Variants in VAV3 observed in about 807,000 individuals in gnomAD.
VAV3 encodes the protein guanine nucleotide exchange factor VAV3.
A neutral mutation model predicts 131.2 loss-of-function variants in VAV3; 94 were observed. The observed-to-expected ratio is 0.72, with a 90% CI of 0.61 to 0.85. The LOEUF (loss-of-function observed/expected upper bound fraction) is 0.85, where lower values mean the gene tolerates loss of function less well. Ranked by LOEUF, VAV3 falls within the 40% of genes least tolerant of loss-of-function variation. The pLI is 0.00. For synonymous variants in VAV3, 349 were observed against 342.0 expected, an observed-to-expected ratio of 1.02 and a Z score of -0.22; for missense variants, 939 against 1,002.7, an observed-to-expected ratio of 0.94 and a Z score of 0.86.
At chr1:107,854,063 C>T (rs562462178) in intron 2 of VAV3, among the ~76,000 whole-genome samples, 21 of 152,248 alleles carry the variant, frequency 1.4e-4, no homozygotes, top group South Asian at 8.3e-4. Flanking sequence ...AATCCCACCA[C>T]TTTGGGAGGC....
chr1:107,865,661 T>C (rs914237558), intron 2 of VAV3, among the ~76,000 whole-genome samples: 1 of 152,154 alleles, frequency 6.6e-6, no homozygotes, highest in Non-Finnish European at 1.5e-5. Context: ...GTTATTCTCT[T>C]ATAAACAACA....
intron 19 of VAV3, among the ~76,000 whole-genome samples, chr1:107,645,692 A>G (rs1425953851): frequency 6.6e-6 from 1 of 152,130 alleles, no homozygotes; most frequent in Non-Finnish European, 1.5e-5. Flanking sequence ...TCAATCATCA[A>G]TAAAATTCTT....
chr1:107,719,325 G>T (rs1570818283), intron 15 of VAV3, among the ~76,000 whole-genome samples: 1 of 151,894 alleles, frequency 6.6e-6, no homozygotes, highest in African/African-American at 2.4e-5. Flanking sequence ...AAGGGCTAAT[G>T]TCTAGAATCT....
chr1:107,633,603 T>C (rs1424424713), intron 20 of VAV3, among the ~76,000 whole-genome samples: 1 of 152,156 alleles, frequency 6.6e-6, no homozygotes, highest in African/African-American at 2.4e-5. Flanking sequence ...TGGTATTTGA[T>C]TGGTATGGTC....
chr1:107,746,333 CA>C (rs1339924139), intron 15 of VAV3, among the ~76,000 whole-genome samples: 1 of 152,090 alleles, frequency 6.6e-6, no homozygotes, highest in African/African-American at 2.4e-5. Flanking sequence ...AGCAATTCTC[CA>C]AAAAGATACT....
chr1:107,845,843 C>G (rs1243435474), intron 2 of VAV3, among the ~76,000 whole-genome samples: 1 of 152,180 alleles, frequency 6.6e-6, no homozygotes, highest in Non-Finnish European at 1.5e-5. Context: ...CTGAAAGTGA[C>G]AGGGAGAATG....
intron 2 of VAV3, among the ~76,000 whole-genome samples, chr1:107,843,984 T>C (rs151131413): frequency 6.6e-6 from 1 of 152,124 alleles, no homozygotes; most frequent in African/African-American, 2.4e-5. Context: ...TTAACTAACC[T>C]ATAAGAGACT....
At chr1:107,605,794 T>C (rs969562884) in intron 22 of VAV3, among the ~76,000 whole-genome samples, 6 of 152,328 alleles carry the variant, frequency 3.9e-5, no homozygotes, top group African/African-American at 1.2e-4. Flanking sequence ...TTGGGTTCCA[T>C]CCTGAATATA....
At chr1:107,608,599 G>C (rs1353070007) in intron 22 of VAV3, among the ~76,000 whole-genome samples, 1 of 152,168 alleles carries the variant, frequency 6.6e-6, no homozygotes, top group Non-Finnish European at 1.5e-5. Flanking sequence ...TCAGTGCTGA[G>C]GCCCAGGGAG....
chr1:107,898,690 T>C (rs1320140746), intron 1 of VAV3, among the ~76,000 whole-genome samples: 4 of 152,182 alleles, frequency 2.6e-5, no homozygotes, highest in Non-Finnish European at 5.9e-5. Flanking sequence ...GGGATTTTTG[T>C]AGGTATTTAA....
At chr1:107,591,307 C>T (rs1438930252) in intron 25 of VAV3, among the ~76,000 whole-genome samples, 4 of 152,116 alleles carry the variant, frequency 2.6e-5, no homozygotes, top group East Asian at 3.9e-4. Context: ...TTGTTTTTGT[C>T]TGTTCTTGTT....
chr1:107,651,080 CTA>C (rs1656133627), intron 19 of VAV3, among the ~76,000 whole-genome samples: 1 of 152,044 alleles, frequency 6.6e-6, no homozygotes, highest in South Asian at 2.1e-4. Flanking sequence ...AAAAGAGGCC[CTA>C]GAGAGCTCCC....
intron 19 of VAV3, among the ~76,000 whole-genome samples, chr1:107,676,915 G>C (rs1658250572): frequency 6.6e-6 from 1 of 152,020 alleles, no homozygotes; most frequent in African/African-American, 2.4e-5. Context: ...AGTTATGTTT[G>C]TATGTCTTAA....
chr1:107,633,092 T>A (rs568868676), intron 20 of VAV3, among the ~76,000 whole-genome samples: 1 of 152,298 alleles, frequency 6.6e-6, no homozygotes, highest in African/African-American at 2.4e-5. Flanking sequence ...TAACATTATG[T>A]GGCTGTGAGG....
At chr1:107,751,734 T>C (rs1663741317) in intron 12 of VAV3, among the ~76,000 whole-genome samples, 1 of 152,144 alleles carries the variant, frequency 6.6e-6, no homozygotes, top group South Asian at 2.1e-4. Context: ...AGCTAGGACC[T>C]CAAGGACGAA....
At chr1:107,706,505 C>G (rs1407811440) in intron 15 of VAV3, among the ~76,000 whole-genome samples, 4 of 152,158 alleles carry the variant, frequency 2.6e-5, no homozygotes, top group Admixed American at 2.6e-4. Flanking sequence ...GAAAATGTTC[C>G]ACTGCACGCT....
intron 24 of VAV3, among the ~76,000 whole-genome samples, chr1:107,597,206 G>A (rs181522207): frequency 8.9e-4 from 127 of 143,084 alleles, no homozygotes; most frequent in African/African-American, 3.2e-3. Flanking sequence ...CTATTGGAGC[G>A]CCTTTTTAAA....
At chr1:107,838,621 A>G (rs1435728962) in intron 2 of VAV3, among the ~76,000 whole-genome samples, 4 of 152,172 alleles carry the variant, frequency 2.6e-5, no homozygotes, top group Non-Finnish European at 5.9e-5. Flanking sequence ...ACCAAAGGAA[A>G]ATAAATCATT....
At chr1:107,727,074 T>C (rs1450777865) in intron 15 of VAV3, among the ~76,000 whole-genome samples, 4 of 152,288 alleles carry the variant, frequency 2.6e-5, no homozygotes, top group Admixed American at 2.6e-4. Flanking sequence ...TCATTATTTT[T>C]GTATCACAAT....
Sources: gnomAD v4.1 joint callset for allele counts (sites outside exome capture counted in the v4.1 genomes callset) on GRCh38, gnomAD v4.1.1 for gene constraint, MANE v1.5 for transcripts, NCBI Gene and HGNC (gene_info 2026-07-23, HGNC 2026-07-21) for gene names.